SHANK2: variants seen among roughly 807,000 people sequenced by gnomAD.
SHANK2 encodes SH3 and multiple ankyrin repeat domains protein 2.
Under a neutral mutation model 133.7 loss-of-function variants are expected in SHANK2, and 43 were observed. The observed-to-expected ratio is 0.32, with a 90% CI of 0.25 to 0.41. The LOEUF is 0.41. SHANK2 is among the 10% of genes least tolerant of loss of function. The probability of loss-of-function intolerance (pLI) is 1.00; values close to 1 mark genes in which losing one functional copy is unlikely to be tolerated. For missense variants in SHANK2, 1,994 were observed against 2,235.8 expected (o/e 0.89, Z 2.18); for synonymous variants, 1,017 against 952.8 (o/e 1.07, Z -1.24).
At chr11:70,577,418 C>A (rs4980541) in intron 17 of SHANK2, among the ~76,000 whole-genome samples, 32,932 of 152,132 alleles carry the variant, frequency 0.22, 4,035 homozygotes, top group East Asian at 0.46. Flanking sequence ...CATCTCTGGG[C>A]TGGGGAAAGT....
chr11:70,947,079 G>GA (rs1401884716), intron 10 of SHANK2, among the ~76,000 whole-genome samples: 1 of 150,042 alleles, frequency 6.7e-6, no homozygotes, highest in East Asian at 2.0e-4. Flanking sequence ...AACTGACTTG[G>GA]AAAATCTCCC....
chr11:71,106,177 G>A (rs1335013931), intron 6 of SHANK2, among the ~76,000 whole-genome samples: 2 of 152,232 alleles, frequency 1.3e-5, no homozygotes, highest in Non-Finnish European at 1.5e-5. Flanking sequence ...CAAAAGGGAG[G>A]CAGGGGAAGA....
chr11:70,869,833 T>C (rs1175246740), intron 11 of SHANK2, among the ~76,000 whole-genome samples: 2 of 152,190 alleles, frequency 1.3e-5, no homozygotes, highest in African/African-American at 4.8e-5. Flanking sequence ...ACTGCCGCAC[T>C]GGGTGCTCAG....
chr11:70,895,202 C>T (rs956821078), intron 11 of SHANK2, among the ~76,000 whole-genome samples: 4 of 152,170 alleles, frequency 2.6e-5, no homozygotes, highest in East Asian at 1.9e-4. Flanking sequence ...CATCCTCGTG[C>T]GGTTCTCCAA....
intron 2 of SHANK2, among the ~76,000 whole-genome samples, chr11:71,166,995 G>C (rs10897688): frequency 0.15 from 17,701 of 119,232 alleles, 1,414 homozygotes; most frequent in Middle Eastern, 0.25. Flanking sequence ...TGACTCTTAA[G>C]GAGCATGCTG....
At chr11:70,911,974 T>A (rs1950197552) in intron 10 of SHANK2, among the ~76,000 whole-genome samples, 1 of 148,946 alleles carries the variant, frequency 6.7e-6, no homozygotes, top group Admixed American at 6.8e-5. Flanking sequence ...CCCAGCTACT[T>A]GGGAGGCTGA....
At chr11:71,090,205 T>A (rs1325433166) in intron 8 of SHANK2, among the ~76,000 whole-genome samples, 1 of 136,560 alleles carries the variant, frequency 7.3e-6, no homozygotes, top group African/African-American at 2.8e-5. Context: ...TGTGTATGTG[T>A]CCTGCTGCTT....
chr11:71,066,061 G>C (rs1951054095), intron 9 of SHANK2, among the ~76,000 whole-genome samples: 2 of 146,334 alleles, frequency 1.4e-5, no homozygotes, highest in East Asian at 4.4e-4. Flanking sequence ...AACTCTCCCA[G>C]GGAGATGAGC....
chr11:71,175,699 A>T lies in SHANK2; in HGVS notation c.-12-28361T>A, dbSNP rs1555113035. On this transcript the variant is annotated intron_variant, in intron 2 of 25. Coordinates refer to ENST00000601538, the MANE Select transcript of SHANK2 (RefSeq NM_012309.5). This position sits in a 1 kb window ranked among gnomAD's most constrained non-coding sequence, Gnocchi z 4.2. ...ACCCAAAATATATCCAAACCACCAA[A>T]ATATGTAAAAAGAAAAATAACATAT... 6.6e-6 allele frequency among the ~76,000 whole-genome samples: 1 copy of T among 152,192 alleles called. No individual in the cohort carries two copies. The highest frequency in any genetic ancestry group is 1.5e-5 in the Non-Finnish European group (1 of 68,032).
At chr11:70,480,443 C>T (rs1171284938) in intron 25 of SHANK2, among the ~76,000 whole-genome samples, 2 of 152,200 alleles carry the variant, frequency 1.3e-5, no homozygotes, top group African/African-American at 2.4e-5. Context: ...TTATTTTTAC[C>T]TGCTGGTGCA....
chr11:70,851,550 C>T (rs1274906521), intron 11 of SHANK2, among the ~76,000 whole-genome samples: 3 of 152,166 alleles, frequency 2.0e-5, no homozygotes, highest in Non-Finnish European at 4.4e-5. Flanking sequence ...CCGCCTTGGA[C>T]TATGAGGGCA....
chr11:71,088,850 C>A (rs1951456716), intron 8 of SHANK2, among the ~76,000 whole-genome samples: 1 of 149,692 alleles, frequency 6.7e-6, no homozygotes, highest in African/African-American at 2.5e-5. Context: ...GTGACTGCAC[C>A]ACCCCACCAG....
At chr11:70,939,533 G>A (rs1950616813) in intron 10 of SHANK2, among the ~76,000 whole-genome samples, 1 of 150,868 alleles carries the variant, frequency 6.6e-6, no homozygotes, top group South Asian at 2.2e-4. Context: ...GGCTAGCAAG[G>A]TGCTAGCAAG....
chr11:70,874,320 C>A (rs782110321), intron 11 of SHANK2, among the ~76,000 whole-genome samples: 18 of 152,022 alleles, frequency 1.2e-4, no homozygotes, highest in Non-Finnish European at 1.9e-4. Context: ...TATATGTAAT[C>A]TATCTATCTA....
chr11:71,101,955 C>G (rs1951722548), intron 6 of SHANK2, among the ~76,000 whole-genome samples: 1 of 152,186 alleles, frequency 6.6e-6, no homozygotes, highest in African/African-American at 2.4e-5. Flanking sequence ...CAGTGAGGTC[C>G]AGACACATCA....
intron 2 of SHANK2, among the ~76,000 whole-genome samples, chr11:71,216,854 T>C (rs1240342882): frequency 6.6e-6 from 1 of 152,224 alleles, no homozygotes; most frequent in East Asian, 1.9e-4. Flanking sequence ...ACTATGTTAC[T>C]GGTTTATGCA....
At chr11:70,696,063 CA>C (rs1306255369) in intron 15 of SHANK2, among the ~76,000 whole-genome samples, 1 of 152,140 alleles carries the variant, frequency 6.6e-6, no homozygotes, top group Non-Finnish European at 1.5e-5. Context: ...GACTGGACAC[CA>C]AAACAGGGAT....
rs114529905 is a variant in SHANK2, at chr11:70,547,803, G to A, written c.2062-44872C>T. 3.8e-3 allele frequency among the ~76,000 whole-genome samples: 580 copies of A among 152,312 alleles called. 7 individuals are homozygous for A. Among genetic ancestry groups the A allele is most frequent in the African/African-American group, 0.014 (565 of 41,560 alleles). On this transcript the variant is annotated intron_variant, in intron 17 of 25. Transcript: ENST00000601538. ...CAAGTGCAAATTAACTCTGCTAAAG[G>A]AATCCTTGGTCCCCATAACCATTTA...
At chr11:70,608,209 GC>G (rs1554993094) in intron 17 of SHANK2, among the ~76,000 whole-genome samples, 2 of 152,198 alleles carry the variant, frequency 1.3e-5, no homozygotes, top group Non-Finnish European at 2.9e-5. Flanking sequence ...CTGAGCTCAA[GC>G]GATCTCCCTG....
Sources: gnomAD v4.1 joint callset for allele counts (sites outside exome capture counted in the v4.1 genomes callset) on GRCh38, gnomAD v4.1.1 for gene constraint, Gnocchi (gnomAD v3.1) non-coding constraint, MANE v1.5 for transcripts, NCBI Gene and HGNC (gene_info 2026-07-23, HGNC 2026-07-21) for gene names.